Variants in SVIL observed in about 807,000 individuals in gnomAD.
The protein encoded by SVIL is supervillin, also known as archvillin.
Under a neutral mutation model 240.4 loss-of-function variants are expected in SVIL, and 101 were observed. The ratio of observed to expected loss-of-function variants is 0.42; its 90% CI spans 0.36 to 0.50. The LOEUF is 0.50. Ranked by LOEUF, SVIL falls within the 20% of genes least tolerant of loss-of-function variation. The pLI is 0.01. For synonymous variants in SVIL, 999 were observed against 1,100.0 expected (o/e 0.91, Z 1.82); for missense variants, 2,512 against 2,818.7 (o/e 0.89, Z 2.46).
chr10:29,530,914 G>GTTTGTCTGATCGAGA (rs1253115950), intron 10 of SVIL, among the ~76,000 whole-genome samples: 1 of 152,132 alleles, frequency 6.6e-6, no homozygotes, highest in Non-Finnish European at 1.5e-5. Context: ...CTACTCTAAC[G>GTTTGTCTGATCGAGA]TTTGTCTGAT....
upstream of SVIL, among the ~76,000 whole-genome samples, chr10:29,638,233 G>A (rs574438666): frequency 7.9e-5 from 12 of 152,084 alleles, no homozygotes; most frequent in Non-Finnish European, 8.8e-5. Flanking sequence ...AGGCTGTGGC[G>A]GATGGATTAC....
At chr10:29,535,496 G>A (rs1951680872) in intron 7 of SVIL, among the ~76,000 whole-genome samples, 1 of 152,134 alleles carries the variant, frequency 6.6e-6, no homozygotes, top group African/African-American at 2.4e-5. Context: ...ATGATAGGGG[G>A]TTTTGTTTGC....
intron 29 of SVIL, among the ~76,000 whole-genome samples, chr10:29,480,328 C>T (rs1228206102): frequency 2.6e-5 from 4 of 152,140 alleles, no homozygotes; most frequent in Non-Finnish European, 4.4e-5. Context: ...TGAACACCAG[C>T]GGCCTCGGCA....
intron 1 of SVIL, among the ~76,000 whole-genome samples, chr10:29,630,814 C>A (rs1958057211): frequency 6.6e-6 from 1 of 152,054 alleles, no homozygotes; most frequent in African/African-American, 2.4e-5. Flanking sequence ...AGGATGAGGG[C>A]AAAAGTACTG....
intron 16 of SVIL, among the ~76,000 whole-genome samples, chr10:29,520,537 A>C (rs1313223531): frequency 6.6e-6 from 1 of 152,208 alleles, no homozygotes; most frequent in Non-Finnish European, 1.5e-5. Flanking sequence ...GTCAGATTTA[A>C]CAATGTGATT....
chr10:29,595,426 A>G (rs948345351), intron 1 of SVIL, among the ~76,000 whole-genome samples: 5 of 152,234 alleles, frequency 3.3e-5, no homozygotes, highest in Admixed American at 1.3e-4. Flanking sequence ...GGCTGGCCAC[A>G]GCACAGAAAG....
At chr10:29,591,290 C>T (rs1956380029) in intron 1 of SVIL, among the ~76,000 whole-genome samples, 1 of 152,174 alleles carries the variant, frequency 6.6e-6, no homozygotes, top group South Asian at 2.1e-4. Context: ...CCTTGACCTC[C>T]CAGGCAGGTC....
intron 16 of SVIL, among the ~76,000 whole-genome samples, chr10:29,516,373 C>G (rs887892022): frequency 6.6e-6 from 1 of 152,170 alleles, no homozygotes; most frequent in African/African-American, 2.4e-5. Context: ...TGACGAATAA[C>G]TTGAAAATAA....
intron 31 of SVIL, 84 bp downstream of exon 31, chr10:29,471,054 A>G: frequency 8.0e-7 from 1 of 1,249,426 alleles, no homozygotes. Flanking sequence ...ATGAAGACAG[A>G]CTCACTTTCA....
chr10:29,557,220 C>T (rs527300765), intron 3 of SVIL, among the ~76,000 whole-genome samples: 31 of 152,194 alleles, frequency 2.0e-4, no homozygotes, highest in Admixed American at 1.8e-3. Context: ...CTCAGCCTCG[C>T]GAGTAGGTGA....
At chr10:29,661,910 G>A (rs750093788) in intron 2 of SVIL, among the ~76,000 whole-genome samples, 5 of 151,772 alleles carry the variant, frequency 3.3e-5, no homozygotes, top group African/African-American at 4.8e-5. Context: ...TGATCCTTCC[G>A]TCTTTGGCCT....
In SVIL at chr10:29,522,619, C is replaced by G; in HGVS notation, c.3180G>C (p.Glu1060Asp). Reference sequence around the variant, plus strand: ...CTGTCCCCGTCTGCTCGGAAGTGGGCTCCCCGAACTCTGCCGCTGGGAAGG... The same window carrying G: ...CTGTCCCCGTCTGCTCGGAAGTGGGGTCCCCGAACTCTGCCGCTGGGAAGG... ...KFSLRAAEFG[E>D]PTSEQTGTAA... The change falls in exon 16 of 38, where the codon GAG becomes GAC. Residue 1060 changes from glutamate (E) to aspartate (D), a missense_variant. Physicochemically the swap from Glu to Asp is conservative, Grantham distance 45. Transcript: ENST00000355867. The G allele has an allele frequency of 6.2e-7, 1 of 1,614,064 alleles. No individual in the cohort carries two copies. The highest frequency in any genetic ancestry group is 1.1e-5 in the South Asian group (1 of 91,058).
At chr10:29,531,972 G>A in intron 9 of SVIL, 30 bp downstream of exon 9, 1 of 1,611,060 alleles carries the variant, frequency 6.2e-7, no homozygotes, top group Non-Finnish European at 8.5e-7. Context: ...CACGTTCCTG[G>A]ATGAGGAAAC....
At chr10:29,685,037 C>A (rs1028496527) in intron 2 of SVIL, among the ~76,000 whole-genome samples, 1 of 152,068 alleles carries the variant, frequency 6.6e-6, no homozygotes, top group Non-Finnish European at 1.5e-5. Flanking sequence ...GCGTAGTACC[C>A]AATGAGTATT....
At chr10:29,626,382 T>C (rs1252141611) in intron 1 of SVIL, among the ~76,000 whole-genome samples, 1 of 152,122 alleles carries the variant, frequency 6.6e-6, no homozygotes, top group East Asian at 1.9e-4. Flanking sequence ...GCAGGAATTT[T>C]GTTTCCCACC....
chr10:29,693,918 GAGAT>G (rs748256629), intron 1 of SVIL, among the ~76,000 whole-genome samples: 72 of 151,918 alleles, frequency 4.7e-4, no homozygotes, highest in Admixed American at 1.3e-3. Flanking sequence ...CATAGTTATT[GAGAT>G]AGATAGATAG....
chr10:29,486,831 A>G (rs1475281130), intron 24 of SVIL, among the ~76,000 whole-genome samples: 1 of 152,242 alleles, frequency 6.6e-6, no homozygotes, highest in Non-Finnish European at 1.5e-5. Flanking sequence ...GCTTTACCCC[A>G]TGACAGTCTC....
chr10:29,508,926 G>A (rs998327549), intron 17 of SVIL, among the ~76,000 whole-genome samples: 2 of 152,226 alleles, frequency 1.3e-5, no homozygotes, highest in African/African-American at 4.8e-5. Flanking sequence ...CACCGTGTGT[G>A]CCTTAACGTC....
chr10:29,616,185 G>T (rs1957419829), intron 1 of SVIL, among the ~76,000 whole-genome samples: 1 of 152,076 alleles, frequency 6.6e-6, no homozygotes, highest in Non-Finnish European at 1.5e-5. Context: ...CTACAGGTGT[G>T]TGCCACCTTG....
Sources: allele counts gnomAD v4.1 joint callset (sites outside exome capture counted in the v4.1 genomes callset), GRCh38; gene constraint gnomAD v4.1.1; transcripts MANE v1.5; gene names NCBI Gene and HGNC (gene_info 2026-07-23, HGNC 2026-07-21).